ARHGAP29: variants seen among roughly 807,000 people sequenced by gnomAD.
ARHGAP29 encodes rho GTPase-activating protein 29.
ARHGAP29 carries 43 observed loss-of-function variants against 122.6 expected under a neutral mutation model. The observed-to-expected ratio is 0.35, with a 90% CI of 0.27 to 0.45. The LOEUF (loss-of-function observed/expected upper bound fraction) is 0.45. Ranked by LOEUF, ARHGAP29 falls within the 20% of genes least tolerant of loss-of-function variation. The pLI, the probability that ARHGAP29 is intolerant of heterozygous loss-of-function variation, is 1.00. For missense variants in ARHGAP29, 1,303 were observed against 1,477.2 expected (o/e 0.88, Z 1.93); for synonymous variants, 506 against 497.1 (o/e 1.02, Z -0.24).
At chr1:94,227,765 G>A (rs1229078182) in intron 2 of ARHGAP29, among the ~76,000 whole-genome samples, 4 of 151,722 alleles carry the variant, frequency 2.6e-5, no homozygotes, top group Non-Finnish European at 5.9e-5. Context: ...TTTAGAACAC[G>A]TTATTCCACA....
At position 94,184,214 on chromosome 1, in the gene ARHGAP29, C is replaced by T. The variant is rs763749375; in HGVS notation, c.2184G>A (p.Leu728=). The T allele has an allele frequency of 1.2e-6, 2 of 1,611,970 alleles. No homozygotes were observed. The highest frequency in any genetic ancestry group is 3.3e-4 in the Middle Eastern group (2 of 6,050). The change falls in exon 19 of 23, where the codon TTG becomes TTA. Residue 728 remains leucine, a synonymous_variant. Coordinates refer to ENST00000260526, the MANE Select transcript of ARHGAP29 (RefSeq NM_004815.4). The stretch of plus-strand genomic sequence containing the variant: ...GTGAACTAAATTCTGAAATATCTAC[C>T]AAGTGCATTCCATTTTCCAAAGCTT... ...LCQALENGMH[L]VDISEFSSHD...
At chr1:94,295,801 G>A in the ARHGAP29 span, among the ~76,000 whole-genome samples, 1 of 9,730 alleles carries the variant, frequency 1.0e-4, no homozygotes, top group East Asian at 7.6e-3. Context: ...TTCCACATTG[G>A]GGTATTTGAG....
At position 94,231,574 on chromosome 1, in the gene ARHGAP29, C is replaced by G; in HGVS notation, c.38G>C (p.Arg13Pro). 1.9e-6 allele frequency: 3 copies of G among 1,613,558 alleles called. No homozygotes were observed. The highest frequency in any genetic ancestry group is 2.5e-6 in the Non-Finnish European group (3 of 1,179,664). Reference sequence around the variant, plus strand: ...AGAGAGTTGACCTGATGCCCAAGCACGTTTTTTCTTTGTCTTTTTCTGTTT... The same window carrying G: ...AGAGAGTTGACCTGATGCCCAAGCAGGTTTTTTCTTTGTCTTTTTCTGTTT... Reference protein sequence around the residue: ...AHKQKKTKKKRAWASGQLSTD... With the variant: ...AHKQKKTKKKPAWASGQLSTD... The change falls in exon 2 of 23, where the codon CGT (arginine) becomes CCT (proline). Residue 13 changes from arginine (R) to proline (P), a missense_variant. Coordinates refer to ENST00000260526, the MANE Select transcript of ARHGAP29 (RefSeq NM_004815.4).
intron 5 of ARHGAP29, among the ~76,000 whole-genome samples, chr1:94,206,100 CT>C (rs1038226451): frequency 1.6e-4 from 25 of 152,126 alleles, no homozygotes; most frequent in Non-Finnish European, 2.5e-4. Flanking sequence ...CTCTGAAAGT[CT>C]ATTACATAGC....
the ARHGAP29 span, among the ~76,000 whole-genome samples, chr1:94,284,476 C>T: frequency 6.6e-6 from 1 of 152,136 alleles, no homozygotes; most frequent in Non-Finnish European, 1.5e-5. Flanking sequence ...TGTGTGAATC[C>T]AGGCATGGTC....
Position 94,173,539 on chromosome 1 carries a change from G to C in ARHGAP29, c.*330C>G. On this transcript the variant is annotated 3_prime_UTR_variant, in exon 23 of 23. Coordinates refer to ENST00000260526, the MANE Select transcript of ARHGAP29 (RefSeq NM_004815.4). ...TTTTCCCAAATTGCACCTATTAGTT[G>C]AGACTATATCATATATTAGGGATGC... 5.0e-6 allele frequency: 1 copy of C among 199,610 alleles called. No homozygotes were observed. Among genetic ancestry groups the C allele is most frequent in the Non-Finnish European group, 1.0e-5 (1 of 96,344 alleles). The allele number at this position is 199,610 out of a possible 1,614,324, so 12.4% of individuals were successfully genotyped here.
At chr1:94,262,386 C>T (rs1025117775) in intron 1 of ARHGAP29, among the ~76,000 whole-genome samples, 4 of 152,072 alleles carry the variant, frequency 2.6e-5, no homozygotes, top group East Asian at 1.9e-4. Context: ...GCTATTGCAA[C>T]GAAAGCAAAA....
intron 22 of ARHGAP29, among the ~76,000 whole-genome samples, chr1:94,175,709 T>C (rs1649052906): frequency 2.0e-5 from 3 of 152,052 alleles, no homozygotes; most frequent in Admixed American, 6.6e-5. Context: ...TGTTTTGTTT[T>C]GTTTTTGTTT....
At chr1:94,269,237 C>T (rs908146988) in intron 1 of ARHGAP29, among the ~76,000 whole-genome samples, 2 of 152,160 alleles carry the variant, frequency 1.3e-5, no homozygotes, top group East Asian at 1.9e-4. Flanking sequence ...AACTTATTCA[C>T]GTCCCATTAT....
Position 94,174,187 on chromosome 1 carries a change from T to A in ARHGAP29, c.3468A>T (p.Arg1156Ser). The A allele has an allele frequency of 6.2e-7, 1 of 1,614,216 alleles. No homozygotes were observed. The highest frequency in any genetic ancestry group is 1.7e-5 in the Admixed American group (1 of 60,018). ...TTGTCCAATGTTGAGGCTGCAGTGT[T>A]CTGGGTGCTCTGACAGGAGCGAGAG... ...SYPLAPVRAP[R>S]TLQPQHWTTF... The change falls in exon 23 of 23, where the codon AGA (arginine) becomes AGT (serine). Residue 1156 changes from arginine to serine, a missense_variant. By Grantham distance (110) the Arg-to-Ser change is moderately radical (BLOSUM62 -1). Around this residue, in one of 3 missense-constraint regions of ARHGAP29, gnomAD observed 620 missense variants for 651.2 expected, o/e 0.95. Coordinates refer to ENST00000260526, the MANE Select transcript of ARHGAP29 (RefSeq NM_004815.4).
At chr1:94,279,706 T>G (rs1570638892), upstream of ARHGAP29, among the ~76,000 whole-genome samples, 1 of 152,204 alleles carries the variant, frequency 6.6e-6, no homozygotes, top group East Asian at 1.9e-4. Flanking sequence ...CTGGCCTAAA[T>G]TTCTGTGTTT....
Position 94,202,650 on chromosome 1 carries a change from A to G in ARHGAP29, c.1037T>C (p.Met346Thr), listed in dbSNP as rs1459761979. 5 of 1,614,092 alleles carry G rather than the reference A, an allele frequency of 3.1e-6. No homozygotes were observed. Among genetic ancestry groups the G allele is most frequent in the African/African-American group, 2.7e-5 (2 of 74,928 alleles). The change falls in exon 11 of 23, where the codon ATG (methionine) becomes ACG (threonine). Residue 346 changes from methionine to threonine, a missense_variant. Transcript: ENST00000260526. ...QDEYEKAKSSMFRAEEEHLSS... is the reference protein window; with the variant it reads ...QDEYEKAKSSTFRAEEEHLSS... The stretch of plus-strand genomic sequence containing the variant: ...CAGATGCTCCTCTTCTGCACGAAAC[A>G]TGGAAGACTTTGCTTTCTCATATTC...
At chr1:94,223,936 T>A (rs1652470772) in intron 2 of ARHGAP29, among the ~76,000 whole-genome samples, 1 of 152,086 alleles carries the variant, frequency 6.6e-6, no homozygotes, top group Non-Finnish European at 1.5e-5. Context: ...GCCTCCCAAG[T>A]AGCTAGGATT....
rs1265640143 is a variant in ARHGAP29, at chr1:94,220,264, C to CT, written c.333dup (p.Val112SerfsTer10). 6.2e-7 allele frequency: 1 copy of CT among 1,613,212 alleles called. No individual in the cohort carries two copies. The highest frequency in any genetic ancestry group is 2.2e-5 in the East Asian group (1 of 44,800). On this transcript the variant is annotated frameshift_variant, in exon 3 of 23. Coordinates refer to ENST00000260526, the MANE Select transcript of ARHGAP29 (RefSeq NM_004815.4). LOFTEE classifies it high-confidence loss of function. The stretch of plus-strand genomic sequence containing the variant: ...TTTACTATATCTTCCTTACCTTTCA[C>CT]TTTTGCAGTGAGCATTTCTGCAGCA...
intron 1 of ARHGAP29, among the ~76,000 whole-genome samples, chr1:94,245,938 A>G (rs1653779607): frequency 6.6e-6 from 1 of 152,202 alleles, no homozygotes; most frequent in Non-Finnish European, 1.5e-5. Context: ...CATGTGAGGA[A>G]GTGAAGGTGC....
In ARHGAP29 at chr1:94,247,545, C is replaced by A. The variant is rs6690762; in HGVS notation, c.-32-15902G>T. The stretch of plus-strand genomic sequence containing the variant: ...CCACCACCGCCGCGGCCGAAGCGAG[C>A]GCCACCTCCTCACACTCACCACGGC... On this transcript the variant is annotated intron_variant and NMD_transcript_variant, in intron 1 of 25. Coordinates refer to the ARHGAP29 transcript ENST00000552844. Among the ~76,000 whole-genome samples the A allele has an allele frequency of 9.1e-3, 1,380 of 151,524 alleles. 20 individuals carry two copies. The highest frequency in any genetic ancestry group is 0.031 in the African/African-American group (1,268 of 41,448).
At chr1:94,210,222 C>T (rs541568334) in intron 3 of ARHGAP29, among the ~76,000 whole-genome samples, 1 of 152,230 alleles carries the variant, frequency 6.6e-6, no homozygotes, top group South Asian at 2.1e-4. Flanking sequence ...CTAATATTCT[C>T]ACCAATAAAG....
intron 22 of ARHGAP29, chr1:94,176,529 T>C (rs1186976722): frequency 6.6e-6 from 1 of 152,222 alleles, no homozygotes; most frequent in Admixed American, 6.5e-5. Flanking sequence ...ACAGAACTAT[T>C]ATGAAGATCA....
the ARHGAP29 span, among the ~76,000 whole-genome samples, chr1:94,285,559 T>C: frequency 6.6e-6 from 1 of 152,048 alleles, no homozygotes; most frequent in South Asian, 2.1e-4. Flanking sequence ...TGAATGAGTG[T>C]TTGCACATGA....
Sources: gnomAD v4.1 joint callset for allele counts (sites outside exome capture counted in the v4.1 genomes callset) on GRCh38, gnomAD v4.1.1 for gene constraint, gnomAD v4.1.1 regional missense constraint, MANE v1.5 for transcripts, NCBI Gene and HGNC (gene_info 2026-07-23, HGNC 2026-07-21) for gene names.